The following ZNF804B variants were observed in gnomAD, a reference collection of about 807,000 sequenced individuals.
ZNF804B encodes the protein zinc finger 804B.
A neutral mutation model predicts 101.4 loss-of-function variants in ZNF804B; 80 were observed. The observed-to-expected ratio is 0.79, with a 90% confidence interval of 0.66 to 0.95. The LOEUF is 0.95. Ranked by LOEUF, ZNF804B falls within the 40% of genes least tolerant of loss-of-function variation. The pLI is 0.00. For synonymous variants in ZNF804B, 622 were observed against 558.8 expected, an observed-to-expected ratio of 1.11 and a Z score of -1.59; for missense variants, 1,673 against 1,561.9, an observed-to-expected ratio of 1.07 and a Z score of -1.20.
At chr7:88,788,127 G>T (rs1397302290) in intron 1 of ZNF804B, among the ~76,000 whole-genome samples, 1 of 152,168 alleles carries the variant, frequency 6.6e-6, no homozygotes, top group Non-Finnish European at 1.5e-5. Context: ...TCTAGTGCAT[G>T]TGGAGGTGCA....
intron 1 of ZNF804B, among the ~76,000 whole-genome samples, chr7:88,969,688 C>G (rs1380619891): frequency 6.6e-6 from 1 of 151,546 alleles, no homozygotes; most frequent in Non-Finnish European, 1.5e-5. Context: ...ACAGCTGGTA[C>G]TTTGCACCTG....
At chr7:88,931,318 G>T (rs1562835383) in intron 1 of ZNF804B, among the ~76,000 whole-genome samples, 1 of 151,862 alleles carries the variant, frequency 6.6e-6, no homozygotes. Flanking sequence ...AGCAAGCTCA[G>T]TGTTTCAATG....
chr7:88,857,774 C>A (rs1309701877), intron 1 of ZNF804B, among the ~76,000 whole-genome samples: 1 of 150,602 alleles, frequency 6.6e-6, no homozygotes, highest in African/African-American at 2.4e-5. Context: ...CCAGCATAAT[C>A]CTGATACCAA....
intron 1 of ZNF804B, among the ~76,000 whole-genome samples, chr7:88,834,057 A>G (rs993321750): frequency 2.6e-5 from 4 of 151,832 alleles, no homozygotes; most frequent in African/African-American, 9.7e-5. Context: ...AGTGAACTCC[A>G]AGCAGATTAG....
At chr7:89,133,963 A>G (rs1436865165) in intron 1 of ZNF804B, among the ~76,000 whole-genome samples, 2 of 152,034 alleles carry the variant, frequency 1.3e-5, no homozygotes, top group Non-Finnish European at 2.9e-5. Context: ...TTGTTTAAGG[A>G]TCTAAGTCAC....
chr7:88,873,355 G>T (rs1388047454), intron 1 of ZNF804B, among the ~76,000 whole-genome samples: 1 of 152,174 alleles, frequency 6.6e-6, no homozygotes, highest in Non-Finnish European at 1.5e-5. Flanking sequence ...GTTCATTGTA[G>T]ATTCTTGATA....
intron 1 of ZNF804B, among the ~76,000 whole-genome samples, chr7:89,146,969 GCATGAGC>G (rs1031237749): frequency 9.2e-5 from 14 of 151,436 alleles, no homozygotes; most frequent in African/African-American, 3.2e-4. Flanking sequence ...AGTGCGGGTT[GCATGAGC>G]CAAGATTGCG....
chr7:89,273,346 T>G (rs1758133452), intron 2 of ZNF804B, among the ~76,000 whole-genome samples: 2 of 152,072 alleles, frequency 1.3e-5, no homozygotes, highest in South Asian at 4.1e-4. Flanking sequence ...AAAAATGGTT[T>G]CATCAGCATT....
rs1554346834 is a variant in ZNF804B at position 88,926,943 on chromosome 7, C to CGGTG, written c.108+166861_108+166862insTGGG. 5.3e-4 allele frequency among the ~76,000 whole-genome samples: 77 copies of CGGTG among 144,452 alleles called. 3 individuals are homozygous for CGGTG. Among genetic ancestry groups the CGGTG allele is most frequent in the East Asian group, 3.0e-3 (13 of 4,378 alleles). The allele number at this position is 144,452 out of a possible 152,430, so 94.8% of individuals were successfully genotyped here. On this transcript the variant is annotated intron_variant, in intron 1 of 3. Transcript: ENST00000333190. ...TAGATGTCTGCCGGGTGGTGGGGAG[C>CGGTG]GGGGGGAAAGCTGTTCTGTAGTTTG...
At chr7:88,935,428 A>C (rs542965050) in intron 1 of ZNF804B, among the ~76,000 whole-genome samples, 8 of 151,452 alleles carry the variant, frequency 5.3e-5, no homozygotes, top group Admixed American at 2.0e-4. Flanking sequence ...TCACAGCTGC[A>C]ATCTTAGCAC....
intron 2 of ZNF804B, among the ~76,000 whole-genome samples, chr7:89,325,510 T>C (rs1456308689): frequency 1.3e-5 from 2 of 152,002 alleles, no homozygotes; most frequent in Non-Finnish European, 2.9e-5. Flanking sequence ...AGGATTAACA[T>C]AGTAGCAATT....
At chr7:89,023,632 C>T (rs1422128492) in intron 1 of ZNF804B, among the ~76,000 whole-genome samples, 1 of 152,086 alleles carries the variant, frequency 6.6e-6, no homozygotes, top group East Asian at 1.9e-4. Context: ...CTCTCCATAT[C>T]ACTAGATAAA....
chr7:89,297,356 G>T (rs1418661258), intron 2 of ZNF804B, among the ~76,000 whole-genome samples: 1 of 151,940 alleles, frequency 6.6e-6, no homozygotes, highest in Non-Finnish European at 1.5e-5. Context: ...GATAAGAATT[G>T]CTTACTATTA....
intron 2 of ZNF804B, among the ~76,000 whole-genome samples, chr7:89,270,024 C>T (rs545572536): frequency 2.6e-5 from 4 of 152,254 alleles, no homozygotes; most frequent in African/African-American, 7.2e-5. Flanking sequence ...TGCCTGTTCA[C>T]TCTGATGGTA....
intron 2 of ZNF804B, among the ~76,000 whole-genome samples, chr7:89,297,188 G>C (rs940565571): frequency 7.9e-5 from 12 of 151,846 alleles, no homozygotes; most frequent in Non-Finnish European, 1.6e-4. Context: ...TCCTTTTTTA[G>C]CTCCTTTTTA....
At chr7:88,907,100 A>T (rs1792482676) in intron 1 of ZNF804B, among the ~76,000 whole-genome samples, 1 of 151,904 alleles carries the variant, frequency 6.6e-6, no homozygotes, top group African/African-American at 2.4e-5. Flanking sequence ...ATTTAACTTC[A>T]TGTCCACTAC....
chr7:88,815,750 ATGTGTACC>A (rs1790865290), intron 1 of ZNF804B, among the ~76,000 whole-genome samples: 1 of 151,948 alleles, frequency 6.6e-6, no homozygotes, highest in Non-Finnish European at 1.5e-5. Flanking sequence ...TCTTTTGCAT[ATGTGTACC>A]TCCCTGCTCT....
intron 2 of ZNF804B, among the ~76,000 whole-genome samples, chr7:89,278,172 C>T (rs1790020727): frequency 6.6e-6 from 1 of 152,046 alleles, no homozygotes; most frequent in Admixed American, 6.6e-5. Context: ...CTGTTCATAT[C>T]CTTTGCCCAC....
At chr7:88,805,416 TA>T (rs1790668847) in intron 1 of ZNF804B, among the ~76,000 whole-genome samples, 1 of 152,216 alleles carries the variant, frequency 6.6e-6, no homozygotes, top group Non-Finnish European at 1.5e-5. Flanking sequence ...AGATTGCCTT[TA>T]ATTTATCCAA....
Sources: allele counts gnomAD v4.1 joint callset (sites outside exome capture counted in the v4.1 genomes callset), GRCh38; gene constraint gnomAD v4.1.1; transcripts MANE v1.5; gene names NCBI Gene and HGNC (gene_info 2026-07-23, HGNC 2026-07-21).